Variants in FHOD3 observed in about 807,000 individuals in gnomAD.
FHOD3 encodes the protein FH1/FH2 domain-containing protein 3.
A neutral mutation model predicts 173.0 loss-of-function variants in FHOD3; 90 were observed. The observed-to-expected ratio is 0.52, with a 90% CI of 0.44 to 0.62. FHOD3 has a LOEUF of 0.62. FHOD3 is among the 20% of genes least tolerant of loss of function. The pLI, the probability that FHOD3 is intolerant of heterozygous loss-of-function variation, is 0.00. For missense variants in FHOD3, 1,945 were observed against 2,034.7 expected, an observed-to-expected ratio of 0.96 and a Z score of 0.85; for synonymous variants, 828 against 823.0, an observed-to-expected ratio of 1.01 and a Z score of -0.10.
intron 3 of FHOD3, among the ~76,000 whole-genome samples, chr18:36,402,100 C>T (rs1241219102): frequency 6.6e-6 from 1 of 152,170 alleles, no homozygotes; most frequent in African/African-American, 2.4e-5. Flanking sequence ...GCCCTGAGAA[C>T]AGTATAAGCC....
intron 14 of FHOD3, among the ~76,000 whole-genome samples, chr18:36,664,633 C>T (rs1217092054): frequency 2.6e-5 from 4 of 152,074 alleles, no homozygotes; most frequent in Admixed American, 2.6e-4. Flanking sequence ...GATTCTTTCT[C>T]CCACACATGT....
At chr18:36,652,998 C>A in intron 12 of FHOD3, 69 bp downstream of exon 12, 3 of 1,453,896 alleles carry the variant, frequency 2.1e-6, no homozygotes, top group South Asian at 1.4e-5. Context: ...GTTAACTGCA[C>A]CCCTTGGCTT....
chr18:36,714,537 G>A (rs1057474953), intron 18 of FHOD3, among the ~76,000 whole-genome samples: 1 of 151,884 alleles, frequency 6.6e-6, no homozygotes, highest in South Asian at 2.1e-4. Flanking sequence ...ACTCTGTCTC[G>A]AAGAAAAAAA....
intron 8 of FHOD3, among the ~76,000 whole-genome samples, chr18:36,604,543 TGA>T (rs1285323648): frequency 6.6e-6 from 1 of 152,134 alleles, no homozygotes; most frequent in Non-Finnish European, 1.5e-5. Flanking sequence ...GGTTAGGTAC[TGA>T]TTGGAGAGGT....
intron 18 of FHOD3, among the ~76,000 whole-genome samples, chr18:36,713,661 CAAAAA>C (rs2040294350): frequency 1.3e-5 from 2 of 151,928 alleles, no homozygotes; most frequent in South Asian, 4.2e-4. Context: ...ATGTTTGTAA[CAAAAA>C]GAAAAGACAA....
At position 36,775,709 on chromosome 18, in the gene FHOD3, G is replaced by A. The variant is rs532787019; in HGVS notation, c.4787-3739G>A. The stretch of plus-strand genomic sequence containing the variant: ...TCTAGGGAGGAAGAAAAAGAACTTG[G>A]GTGTTTTTCCTGAGTCCCCAGACAG... On this transcript the variant is annotated intron_variant, in intron 28 of 28. Coordinates refer to ENST00000590592, the MANE Select transcript of FHOD3 (RefSeq NM_001281740.3). Among the ~76,000 whole-genome samples the A allele has an allele frequency of 4.7e-4, 72 of 152,200 alleles. 1 individual carries two copies. The highest frequency in any genetic ancestry group is 1.5e-3 in the South Asian group (7 of 4,826).
chr18:36,730,423 G>A (rs1417394531), intron 19 of FHOD3, among the ~76,000 whole-genome samples: 1 of 151,958 alleles, frequency 6.6e-6, no homozygotes, highest in East Asian at 1.9e-4. Context: ...TTTTATTTTT[G>A]TATGTGTCTG....
chr18:36,498,614 A>C (rs2054863564), intron 3 of FHOD3, among the ~76,000 whole-genome samples: 1 of 152,214 alleles, frequency 6.6e-6, no homozygotes, highest in Non-Finnish European at 1.5e-5. Context: ...ACAAAGAGAT[A>C]ATCAGAATAG....
Position 36,652,880 on chromosome 18 carries a change from T to C in FHOD3, c.1597T>C (p.Ser533Pro). 6.5e-7 allele frequency: 1 copy of C among 1,535,580 alleles called. No homozygotes were observed. The highest frequency in any genetic ancestry group is 8.7e-7 in the Non-Finnish European group (1 of 1,146,452). The change falls in exon 12 of 29, where the codon TCC becomes CCC. Residue 533 changes from serine to proline, a missense_variant. Transcript: ENST00000590592. Reference sequence around the variant, plus strand: ...CCTCTTCTCCTATGACTTTGAGGACTCCTCCCTGTCCACCAAGGAGAAGGA... The same window carrying C: ...CCTCTTCTCCTATGACTTTGAGGACCCCTCCCTGTCCACCAAGGAGAAGGA... ...FHLFSYDFED[S>P]SLSTKEKEAE...
intron 1 of FHOD3, among the ~76,000 whole-genome samples, chr18:36,338,870 C>T (rs1202915194): frequency 1.3e-5 from 2 of 152,154 alleles, no homozygotes; most frequent in Admixed American, 6.5e-5. Context: ...CCAGGATATA[C>T]TCACTTAGCC....
chr18:36,735,916 A>T (rs1267386832), intron 20 of FHOD3, among the ~76,000 whole-genome samples: 1 of 152,236 alleles, frequency 6.6e-6, no homozygotes, highest in Non-Finnish European at 1.5e-5. Context: ...TTAAAAAGGG[A>T]TTTCTGCATT....
At chr18:36,324,422 C>G (rs2044561525) in intron 1 of FHOD3, among the ~76,000 whole-genome samples, 1 of 151,890 alleles carries the variant, frequency 6.6e-6, no homozygotes, top group African/African-American at 2.4e-5. Flanking sequence ...CAAAAGATAC[C>G]CTTATGAGTG....
intron 22 of FHOD3, among the ~76,000 whole-genome samples, chr18:36,743,250 A>C (rs1284043044): frequency 2.2e-4 from 29 of 134,348 alleles, no homozygotes; most frequent in Non-Finnish European, 1.5e-5. Flanking sequence ...CAGAGGTTGC[A>C]GTGAGCTGAG....
At chr18:36,443,153 T>C (rs772969138) in intron 3 of FHOD3, among the ~76,000 whole-genome samples, 39 of 152,224 alleles carry the variant, frequency 2.6e-4, no homozygotes, top group Non-Finnish European at 4.7e-4. Flanking sequence ...ACTAAGAAAT[T>C]ACTGTTTTTC....
At chr18:36,371,293 A>T (rs2047175492) in intron 2 of FHOD3, among the ~76,000 whole-genome samples, 1 of 152,164 alleles carries the variant, frequency 6.6e-6, no homozygotes, top group African/African-American at 2.4e-5. Context: ...GCTAATAAAG[A>T]TATACTCGAG....
In FHOD3 at chr18:36,780,102, C is replaced by G. The variant is rs978963677; in HGVS notation, c.*572C>G. On this transcript the variant is annotated 3_prime_UTR_variant, in exon 29 of 29. Coordinates refer to ENST00000590592, the MANE Select transcript of FHOD3 (RefSeq NM_001281740.3). Reference sequence around the variant, plus strand: ...TCTGGGAACAGGACCTTAAACAGTTCCACAGGCTCGCCTCTTCAGAATGGC... The same window carrying G: ...TCTGGGAACAGGACCTTAAACAGTTGCACAGGCTCGCCTCTTCAGAATGGC... 1.5e-5 allele frequency: 19 copies of G among 1,227,876 alleles called. No individual in the cohort carries two copies. Among genetic ancestry groups the G allele is most frequent in the East Asian group, 3.2e-5 (1 of 31,702 alleles). The allele number at this position is 1,227,876 out of a possible 1,614,324, so 76.1% of individuals were successfully genotyped here.
At position 36,763,411 on chromosome 18, in the gene FHOD3, G is replaced by A. The variant is rs1402029489; in HGVS notation, c.4624+2629G>A. Among the ~76,000 whole-genome samples, 9 of 137,282 alleles carry A rather than the reference G, an allele frequency of 6.6e-5. No individual in the cohort carries two copies. In the East Asian group the frequency reaches 1.5e-3, roughly 23 times the overall value. The allele number at this position is 137,282 out of a possible 152,430, so 90.1% of individuals were successfully genotyped here. On this transcript the variant is annotated intron_variant, in intron 27 of 28. Transcript: ENST00000590592. Reference sequence around the variant, plus strand: ...TATATACAATATGCGTATTATACACGTTATATATAATATGCGTATTATACA... The same window carrying A: ...TATATACAATATGCGTATTATACACATTATATATAATATGCGTATTATACA...
chr18:36,535,424 G>A (rs755536634), intron 5 of FHOD3, among the ~76,000 whole-genome samples: 22 of 152,248 alleles, frequency 1.4e-4, no homozygotes, highest in Non-Finnish European at 2.5e-4. Context: ...TTTCTTATGC[G>A]AGAAGTAAAG....
chr18:36,455,752 T>C (rs1298424272), intron 3 of FHOD3, among the ~76,000 whole-genome samples: 1 of 152,166 alleles, frequency 6.6e-6, no homozygotes, highest in Non-Finnish European at 1.5e-5. Flanking sequence ...CAGTCTTTAC[T>C]GCACATGCTT....
Sources: allele counts gnomAD v4.1 joint callset (sites outside exome capture counted in the v4.1 genomes callset), GRCh38; gene constraint gnomAD v4.1.1; transcripts MANE v1.5; gene names NCBI Gene and HGNC (gene_info 2026-07-23, HGNC 2026-07-21).